CHRM2: variants seen among roughly 807,000 people sequenced by gnomAD.
The protein encoded by CHRM2 is cholinergic receptor muscarinic 2, also known as muscarinic acetylcholine receptor M2.
A neutral mutation model predicts 25.0 loss-of-function variants in CHRM2; 8 were observed. That is an observed-to-expected ratio of 0.32 (90% CI 0.19 to 0.58). The LOEUF is 0.58. Ranked by LOEUF, CHRM2 falls within the 20% of genes least tolerant of loss-of-function variation. CHRM2 has a pLI of 0.88. For synonymous variants in CHRM2, 202 were observed against 205.7 expected, an observed-to-expected ratio of 0.98 and a Z score of 0.15; for missense variants, 440 against 567.1, an observed-to-expected ratio of 0.78 and a Z score of 2.28.
chr7:136,965,208 T>C (rs1214739160), intron 2 of CHRM2, among the ~76,000 whole-genome samples: 1 of 152,114 alleles, frequency 6.6e-6, no homozygotes, highest in Admixed American at 6.6e-5. Flanking sequence ...AATTCAGGTA[T>C]ACAAGCTGAT....
rs1805175101 is a variant in CHRM2, at chr7:137,016,136, T to C, written c.1271T>C (p.Ile424Thr). ...APCIPNTVWT[I>T]GYWLCYINST... is the part of the protein sequence containing the mutation. Reference sequence around the variant, plus strand: ...TGCATCCCCAACACTGTGTGGACAATTGGTTACTGGCTTTGTTACATCAAC... The same window carrying C: ...TGCATCCCCAACACTGTGTGGACAACTGGTTACTGGCTTTGTTACATCAAC... The change falls in exon 4 of 4, where the codon ATT becomes ACT. Residue 424 changes from isoleucine to threonine, a missense_variant. Ile to Thr is a moderately conservative substitution (Grantham distance 89, BLOSUM62 -1). Transcript: ENST00000680005. 6.2e-7 allele frequency: 1 copy of C among 1,612,814 alleles called. No individual in the cohort carries two copies.
chr7:136,875,642 C>A (rs1796024170), intron 2 of CHRM2, among the ~76,000 whole-genome samples: 1 of 152,192 alleles, frequency 6.6e-6, no homozygotes, highest in Non-Finnish European at 1.5e-5. Flanking sequence ...AAATGCAAAT[C>A]TGAACATGTC....
At chr7:136,977,707 A>G (rs1000177944) in intron 2 of CHRM2, among the ~76,000 whole-genome samples, 4 of 152,182 alleles carry the variant, frequency 2.6e-5, no homozygotes, top group African/African-American at 9.7e-5. Context: ...AATGGCATGC[A>G]CAAATGCAAG....
At chr7:136,962,478 G>A (rs1801160276) in intron 2 of CHRM2, among the ~76,000 whole-genome samples, 1 of 152,072 alleles carries the variant, frequency 6.6e-6, no homozygotes, top group Non-Finnish European at 1.5e-5. Flanking sequence ...TAGAGGGTGA[G>A]TGGTAGTGGT....
chr7:136,880,012 C>T (rs1337417411), intron 2 of CHRM2, among the ~76,000 whole-genome samples: 2 of 150,826 alleles, frequency 1.3e-5, no homozygotes, highest in South Asian at 2.1e-4. Context: ...TTCTTCATCA[C>T]AGTGCAAGTT....
intron 2 of CHRM2, among the ~76,000 whole-genome samples, chr7:136,908,991 T>C (rs188181727): frequency 1.3e-5 from 2 of 152,030 alleles, no homozygotes; most frequent in African/African-American, 4.8e-5. Context: ...CTTTGAATTA[T>C]GAGTTTTTTG....
At chr7:136,985,092 G>A (rs1404187459) in intron 2 of CHRM2, among the ~76,000 whole-genome samples, 1 of 152,126 alleles carries the variant, frequency 6.6e-6, no homozygotes, top group Non-Finnish European at 1.5e-5. Context: ...TAGTATCATG[G>A]TAAGGTGCTG....
intron 2 of CHRM2, among the ~76,000 whole-genome samples, chr7:136,940,632 T>C (rs1380302412): frequency 6.6e-6 from 1 of 152,164 alleles, no homozygotes; most frequent in East Asian, 1.9e-4. Flanking sequence ...CAACCTGAAA[T>C]AGTAACAGAC....
chr7:136,913,018 T>A (rs1338407309), intron 2 of CHRM2, among the ~76,000 whole-genome samples: 2 of 151,876 alleles, frequency 1.3e-5, no homozygotes, highest in Non-Finnish European at 2.9e-5. Flanking sequence ...CACTATTATG[T>A]AGAAAAGACA....
chr7:136,874,549 T>TAC (rs1393826512), intron 2 of CHRM2, among the ~76,000 whole-genome samples: 4 of 8,522 alleles, frequency 4.7e-4, no homozygotes, highest in Non-Finnish European at 1.0e-3. Context: ...TCTTCCCCCA[T>TAC]GCCCTCCCTC....
chr7:137,000,927 GGTTT>G (rs1315868015), intron 3 of CHRM2, among the ~76,000 whole-genome samples: 1 of 152,050 alleles, frequency 6.6e-6, no homozygotes. Context: ...ACCATTTAAG[GGTTT>G]GTTTTGTTTG....
At chr7:136,870,720 G>A (rs1229295563) in intron 2 of CHRM2, 2 of 152,266 alleles carry the variant, frequency 1.3e-5, no homozygotes, top group Admixed American at 6.5e-5. Flanking sequence ...CAGAACTGTC[G>A]GTGGACATTT....
chr7:136,884,763 A>G (rs1342079349), intron 2 of CHRM2, among the ~76,000 whole-genome samples: 1 of 152,222 alleles, frequency 6.6e-6, no homozygotes, highest in Non-Finnish European at 1.5e-5. Context: ...ATAGGAGAAC[A>G]TGCCAGAAGC....
At chr7:136,966,586 T>C (rs1053870910) in intron 2 of CHRM2, among the ~76,000 whole-genome samples, 4 of 152,006 alleles carry the variant, frequency 2.6e-5, no homozygotes, top group Non-Finnish European at 4.4e-5. Context: ...TCTCCGTTTC[T>C]CTTCAGAAAG....
chr7:136,954,847 A>G (rs1244324894), intron 2 of CHRM2, among the ~76,000 whole-genome samples: 1 of 152,198 alleles, frequency 6.6e-6, no homozygotes, highest in Non-Finnish European at 1.5e-5. Flanking sequence ...GGATTAAGAT[A>G]TTCATAACCT....
rs187821570 is a variant in CHRM2, at chr7:136,987,498, G to T, written c.-124-4689G>T. On this transcript the variant is annotated intron_variant, in intron 2 of 3. Coordinates refer to ENST00000680005, the MANE Select transcript of CHRM2 (RefSeq NM_001006630.2). ...AAAGCTATGCCCAGTCTCCCTACTA[G>T]TCATTTGATTAACTTAACATCACGT... Among the ~76,000 whole-genome samples, 5 of 152,324 alleles carry T rather than the reference G, an allele frequency of 3.3e-5. No individual in the cohort carries two copies. In the East Asian group the frequency reaches 9.6e-4, roughly 29 times the overall value.
intron 3 of CHRM2, among the ~76,000 whole-genome samples, chr7:137,011,215 G>GTGTGTGTGTGTGTGTGTATA: frequency 3.5e-4 from 47 of 134,338 alleles, no homozygotes; most frequent in African/African-American, 1.4e-3. Flanking sequence ...GTGTGTGTGT[G>GTGTGTGTGTGTGTGTGTATA]TATATATATA....
chr7:136,911,176 T>C (rs1026373511), intron 2 of CHRM2, among the ~76,000 whole-genome samples: 1 of 152,024 alleles, frequency 6.6e-6, no homozygotes, highest in Admixed American at 6.6e-5. Context: ...TAAAAAATAA[T>C]GTTTTATCAC....
rs1017936768 is a variant in CHRM2 at position 136,986,573 on chromosome 7, A to T, written c.-124-5614A>T. ...TATTTCTCACATGTTGGGTTCATCA[A>T]TTAAGATATATTTGGGCAATTAGCA... On this transcript the variant is annotated intron_variant, in intron 2 of 3. Coordinates refer to ENST00000680005, the MANE Select transcript of CHRM2 (RefSeq NM_001006630.2). Among the ~76,000 whole-genome samples, 5 of 152,210 alleles carry T rather than the reference A, an allele frequency of 3.3e-5. No individual in the cohort carries two copies. In the East Asian group the frequency reaches 9.6e-4, roughly 29 times the overall value.
Sources: allele counts gnomAD v4.1 joint callset (sites outside exome capture counted in the v4.1 genomes callset), GRCh38; gene constraint gnomAD v4.1.1; transcripts MANE v1.5; gene names NCBI Gene and HGNC (gene_info 2026-07-23, HGNC 2026-07-21).